The following DPH6 variants were observed in gnomAD, a reference collection of about 807,000 sequenced individuals.
The protein encoded by DPH6 is diphthamine biosynthesis 6.
In DPH6, 33 loss-of-function variants were observed where a neutral mutation model predicts 38.2. The observed-to-expected ratio is 0.86, with a 90% CI of 0.65 to 1.15. The LOEUF (loss-of-function observed/expected upper bound fraction) is 1.15, where lower values mean the gene tolerates loss of function less well. Ranked by LOEUF, DPH6 falls within the 50% of genes most tolerant of loss-of-function variation. The pLI is 0.00. For synonymous variants in DPH6, 108 were observed against 103.0 expected (o/e 1.05, Z -0.30); for missense variants, 325 against 320.0 (o/e 1.02, Z -0.12).
chr15:35,332,212 TA>T (rs1176962018), intron 3 of DPH6, among the ~76,000 whole-genome samples: 1 of 152,204 alleles, frequency 6.6e-6, no homozygotes, highest in Non-Finnish European at 1.5e-5. Flanking sequence ...CATGTTCACA[TA>T]ACCAATATCA....
At chr15:35,536,014 T>C (rs1056823567) in intron 3 of DPH6, among the ~76,000 whole-genome samples, 2 of 152,106 alleles carry the variant, frequency 1.3e-5, no homozygotes, top group Non-Finnish European at 2.9e-5. Context: ...TGTAACCTGT[T>C]ATAAATAAAT....
intron 3 of DPH6, among the ~76,000 whole-genome samples, chr15:35,359,312 A>G (rs890614704): frequency 6.2e-4 from 94 of 152,010 alleles, no homozygotes; most frequent in East Asian, 3.9e-4. Flanking sequence ...TCTGACCCCA[A>G]CCTGTGAAAG....
chr15:35,524,235 A>G (rs1043551110), intron 3 of DPH6, among the ~76,000 whole-genome samples: 2 of 152,140 alleles, frequency 1.3e-5, no homozygotes, highest in African/African-American at 4.8e-5. Flanking sequence ...ATATTACTAT[A>G]AAAGTTTCTA....
chr15:35,402,517 A>G (rs1408478187), intron 6 of DPH6, among the ~76,000 whole-genome samples: 1 of 152,178 alleles, frequency 6.6e-6, no homozygotes, highest in Non-Finnish European at 1.5e-5. Context: ...TAAACAAGGA[A>G]GCTGTTCAAA....
chr15:35,300,183 GA>G (rs1208971471), intron 3 of DPH6, among the ~76,000 whole-genome samples: 4 of 151,998 alleles, frequency 2.6e-5, no homozygotes, highest in African/African-American at 9.7e-5. Context: ...GGAGCACAGT[GA>G]AAAATGAAAA....
At chr15:35,300,657 T>C (rs547961068) in intron 3 of DPH6, among the ~76,000 whole-genome samples, 2 of 152,322 alleles carry the variant, frequency 1.3e-5, no homozygotes, top group African/African-American at 4.8e-5. Flanking sequence ...TAATAAACTA[T>C]TACGTTGGGT....
At chr15:35,145,085 T>C in the DPH6 span, among the ~76,000 whole-genome samples, 4,896 of 152,308 alleles carry the variant, frequency 0.032, 112 homozygotes, top group African/African-American at 0.045. Flanking sequence ...ATTTCTTTTC[T>C]TCTCTAGATT....
chr15:35,364,302 G>A (rs1233956881), intron 3 of DPH6, among the ~76,000 whole-genome samples: 1 of 151,820 alleles, frequency 6.6e-6, no homozygotes, highest in Non-Finnish European at 1.5e-5. Flanking sequence ...TTAGCACTTT[G>A]TTCTATTTAT....
intron 3 of DPH6, among the ~76,000 whole-genome samples, chr15:35,356,872 C>T (rs983374135): frequency 3.3e-5 from 5 of 152,196 alleles, no homozygotes; most frequent in Admixed American, 1.3e-4. Flanking sequence ...CTATGCCCTG[C>T]CCCCAGAGGT....
At position 35,534,167 on chromosome 15, in the gene DPH6, C is replaced by T. The variant is rs150977098; in HGVS notation, c.312+4107G>A. ...CCGAGGTGGACAGAGCACCTGAGGT[C>T]GGGAGTTTGAGACCAGCCTGACCAA... On this transcript the variant is annotated intron_variant, in intron 3 of 8. Coordinates refer to ENST00000256538, the MANE Select transcript of DPH6 (RefSeq NM_080650.4). Among the ~76,000 whole-genome samples the T allele has an allele frequency of 3.6e-3, 547 of 152,082 alleles. 2 individuals carry two copies. The highest frequency in any genetic ancestry group is 4.8e-3 in the Non-Finnish European group (328 of 67,984).
At chr15:35,537,479 A>T (rs2055187608) in intron 3 of DPH6, among the ~76,000 whole-genome samples, 1 of 152,184 alleles carries the variant, frequency 6.6e-6, no homozygotes, top group Non-Finnish European at 1.5e-5. Flanking sequence ...GGCTATCAAT[A>T]AAAATGAAAA....
At chr15:35,331,936 G>T (rs998867543) in intron 3 of DPH6, among the ~76,000 whole-genome samples, 1 of 152,140 alleles carries the variant, frequency 6.6e-6, no homozygotes, top group African/African-American at 2.4e-5. Flanking sequence ...ATGGAGAAAT[G>T]TATGCCCAGA....
chr15:35,252,544 G>A (rs1033536327), intron 3 of DPH6, among the ~76,000 whole-genome samples: 2 of 152,298 alleles, frequency 1.3e-5, no homozygotes, highest in Non-Finnish European at 2.9e-5. Context: ...CATCTTGTGG[G>A]ACTAGTGATC....
the DPH6 span, among the ~76,000 whole-genome samples, chr15:35,189,408 T>G: frequency 6.6e-6 from 1 of 152,220 alleles, no homozygotes. Flanking sequence ...TGCTACATTT[T>G]TCCAATGCAA....
intron 6 of DPH6, among the ~76,000 whole-genome samples, chr15:35,403,997 C>A (rs889033622): frequency 6.6e-6 from 1 of 152,182 alleles, no homozygotes; most frequent in Non-Finnish European, 1.5e-5. Context: ...CTGTGCCTGG[C>A]TTATTTCACT....
At chr15:35,469,565 C>G (rs1249193596) in intron 3 of DPH6, among the ~76,000 whole-genome samples, 1 of 152,106 alleles carries the variant, frequency 6.6e-6, no homozygotes, top group Non-Finnish European at 1.5e-5. Context: ...GAAAGGAACC[C>G]AGAATGCTCC....
chr15:35,542,965 T>TATATATATAGATATATAA (rs58422347), intron 1 of DPH6, among the ~76,000 whole-genome samples: 1 of 76,178 alleles, frequency 1.3e-5, no homozygotes, highest in Non-Finnish European at 2.6e-5. Flanking sequence ...TATATATATA[T>TATATATATAGATATATAA]AAAATAATTT....
chr15:35,518,759 A>G (rs1277783620), intron 3 of DPH6, among the ~76,000 whole-genome samples: 3 of 151,972 alleles, frequency 2.0e-5, no homozygotes, highest in East Asian at 3.8e-4. Context: ...TCTAGATTCT[A>G]TATTAAAAAC....
chr15:35,529,662 C>T (rs972561814), intron 3 of DPH6, among the ~76,000 whole-genome samples: 1 of 152,106 alleles, frequency 6.6e-6, no homozygotes, highest in Non-Finnish European at 1.5e-5. Flanking sequence ...TCTGTGAGGG[C>T]AAAGACTATG....
Sources: gnomAD v4.1 joint callset for allele counts (sites outside exome capture counted in the v4.1 genomes callset) on GRCh38, gnomAD v4.1.1 for gene constraint, MANE v1.5 for transcripts, NCBI Gene and HGNC (gene_info 2026-07-23, HGNC 2026-07-21) for gene names.